PCCA: variants seen among roughly 807,000 people sequenced by gnomAD.
PCCA encodes propionyl-CoA carboxylase subunit alpha.
Under a neutral mutation model 101.3 loss-of-function variants are expected in PCCA, and 74 were observed. The observed-to-expected ratio is 0.73, with a 90% confidence interval of 0.61 to 0.89. PCCA has a LOEUF of 0.89. Ranked by LOEUF, PCCA falls within the 40% of genes least tolerant of loss-of-function variation. The pLI, the probability that PCCA is intolerant of heterozygous loss-of-function variation, is 0.00. For synonymous variants in PCCA, 294 were observed against 313.6 expected (o/e 0.94, Z 0.66); for missense variants, 891 against 907.0 (o/e 0.98, Z 0.23).
chr13:100,153,288 A>G (rs1372795921), intron 4 of PCCA, among the ~76,000 whole-genome samples: 1 of 152,220 alleles, frequency 6.6e-6, no homozygotes, highest in African/African-American at 2.4e-5. Flanking sequence ...CAAAGCAGTT[A>G]AAATGAGATT....
At chr13:100,369,815 G>A (rs1320806660) in intron 19 of PCCA, among the ~76,000 whole-genome samples, 1 of 152,066 alleles carries the variant, frequency 6.6e-6, no homozygotes, top group African/African-American at 2.4e-5. Context: ...CTTTGTAAGT[G>A]CACATTTAAC....
At chr13:100,410,687 AT>A (rs940430694) in intron 19 of PCCA, among the ~76,000 whole-genome samples, 1 of 152,004 alleles carries the variant, frequency 6.6e-6, no homozygotes, top group Non-Finnish European at 1.5e-5. Context: ...AATTGATGCT[AT>A]TTTTTTTAAA....
intron 6 of PCCA, among the ~76,000 whole-genome samples, chr13:100,177,638 C>A (rs2056361699): frequency 6.6e-6 from 1 of 151,990 alleles, no homozygotes; most frequent in Non-Finnish European, 1.5e-5. Flanking sequence ...CCTGGGCCCC[C>A]TGTTGAAAAA....
chr13:100,137,251 A>G (rs2152335878), intron 4 of PCCA, among the ~76,000 whole-genome samples: 1 of 152,098 alleles, frequency 6.6e-6, no homozygotes, highest in South Asian at 2.1e-4. Flanking sequence ...CAGTGTGTTA[A>G]GTTCATTTTC....
At chr13:100,321,493 C>G (rs774745537) in intron 16 of PCCA, among the ~76,000 whole-genome samples, 4 of 151,988 alleles carry the variant, frequency 2.6e-5, no homozygotes, top group Non-Finnish European at 4.4e-5. Flanking sequence ...TTAAAGCCCT[C>G]TGAAACATAG....
chr13:100,235,697 T>G (rs1011248516), intron 7 of PCCA, 145 bp from the exon 8 acceptor site: 7 of 603,666 alleles, frequency 1.2e-5, no homozygotes, highest in African/African-American at 1.8e-5. Flanking sequence ...TAATTTTACA[T>G]TTCTCTGAAT....
chr13:100,282,144 G>T (rs978030841), intron 12 of PCCA, among the ~76,000 whole-genome samples: 2 of 152,124 alleles, frequency 1.3e-5, no homozygotes, highest in Non-Finnish European at 2.9e-5. Flanking sequence ...TTGATGTGTA[G>T]GTATTTGCTT....
chr13:100,213,140 G>C (rs2059323771), intron 7 of PCCA, among the ~76,000 whole-genome samples: 1 of 152,176 alleles, frequency 6.6e-6, no homozygotes, highest in African/African-American at 2.4e-5. Flanking sequence ...TTCGTCTGTT[G>C]ATGGACATTT....
intron 19 of PCCA, among the ~76,000 whole-genome samples, chr13:100,392,769 G>C (rs1437313147): frequency 6.6e-6 from 1 of 152,218 alleles, no homozygotes; most frequent in African/African-American, 2.4e-5. Flanking sequence ...ATTCCAAACA[G>C]AATCCATGTA....
chr13:100,322,154 C>G (rs1428346000), intron 16 of PCCA, among the ~76,000 whole-genome samples: 2 of 152,182 alleles, frequency 1.3e-5, no homozygotes, highest in Non-Finnish European at 2.9e-5. Context: ...TTCAAAGATA[C>G]ACACACCCAT....
intron 8 of PCCA, among the ~76,000 whole-genome samples, chr13:100,246,722 T>C (rs2061451672): frequency 6.6e-6 from 1 of 152,172 alleles, no homozygotes; most frequent in African/African-American, 2.4e-5. Flanking sequence ...TATCATGTTT[T>C]TCATTTAAAA....
chr13:100,249,204 T>C (rs1279092949), intron 8 of PCCA, among the ~76,000 whole-genome samples: 1 of 152,254 alleles, frequency 6.6e-6, no homozygotes, highest in Non-Finnish European at 1.5e-5. Flanking sequence ...CTTCTATTTT[T>C]TCTCTAGAAA....
intron 19 of PCCA, among the ~76,000 whole-genome samples, chr13:100,393,993 A>G (rs575741281): frequency 7.9e-5 from 12 of 152,312 alleles, no homozygotes; most frequent in African/African-American, 2.4e-4. Context: ...AAATAGTGCA[A>G]ACTCTTAACA....
intron 8 of PCCA, among the ~76,000 whole-genome samples, chr13:100,248,282 G>A (rs2061562186): frequency 6.6e-6 from 1 of 151,490 alleles, no homozygotes; most frequent in African/African-American, 2.4e-5. Context: ...TTCTTTCTTG[G>A]CTTCTTTTTG....
At chr13:100,179,476 A>G (rs2056576404) in intron 6 of PCCA, among the ~76,000 whole-genome samples, 1 of 152,196 alleles carries the variant, frequency 6.6e-6, no homozygotes, top group African/African-American at 2.4e-5. Context: ...AAGTGAGGTC[A>G]TGGTAGACCC....
Position 100,089,138 on chromosome 13 carries a change from C to G in PCCA, c.18C>G (p.Val6=), listed in dbSNP as rs752423629. The change falls in exon 1 of 24, where the codon GTC becomes GTG. Residue 6 remains valine, a synonymous_variant. Transcript: ENST00000376285. ...GGACAACAATGGCGGGGTTCTGGGT[C>G]GGGACAGCACCGCTGGTCGCTGCCG... MAGFW[V]GTAPLVAAGR... 2.7e-6 allele frequency: 4 copies of G among 1,508,840 alleles called. No homozygotes were observed. Among genetic ancestry groups the G allele is most frequent in the Middle Eastern group, 2.0e-4 (1 of 4,958 alleles). The allele number at this position is 1,508,840 out of a possible 1,614,324, so 93.5% of individuals were successfully genotyped here.
intron 17 of PCCA, among the ~76,000 whole-genome samples, chr13:100,339,453 G>A (rs2070983537): frequency 6.6e-6 from 1 of 152,134 alleles, no homozygotes; most frequent in Admixed American, 6.5e-5. Flanking sequence ...GCTGTCAAAG[G>A]ATGTGTTAAC....
intron 6 of PCCA, among the ~76,000 whole-genome samples, chr13:100,173,199 A>C (rs2055877251): frequency 6.6e-6 from 1 of 152,198 alleles, no homozygotes; most frequent in African/African-American, 2.4e-5. Context: ...GGGAGGAAGA[A>C]AGAGAATAGT....
intron 16 of PCCA, among the ~76,000 whole-genome samples, chr13:100,311,120 G>A (rs2066881521): frequency 6.6e-6 from 1 of 151,806 alleles, no homozygotes; most frequent in Non-Finnish European, 1.5e-5. Context: ...TGTAATCCCC[G>A]CTACTTGGGA....
Sources: gnomAD v4.1 joint callset for allele counts (sites outside exome capture counted in the v4.1 genomes callset) on GRCh38, gnomAD v4.1.1 for gene constraint, MANE v1.5 for transcripts, NCBI Gene and HGNC (gene_info 2026-07-23, HGNC 2026-07-21) for gene names.